LRFN5: variants seen among roughly 807,000 people sequenced by gnomAD.
LRFN5 encodes the protein leucine-rich repeat and fibronectin type-III domain-containing protein 5.
LRFN5 carries 24 observed loss-of-function variants against 45.6 expected under a neutral mutation model. The ratio of observed to expected loss-of-function variants is 0.53; its 90% CI spans 0.38 to 0.74. The LOEUF is 0.74. LRFN5 is among the 30% of genes least tolerant of loss of function. The pLI is 0.00. For missense variants in LRFN5, 776 were observed against 861.5 expected, an observed-to-expected ratio of 0.90 and a Z score of 1.24; for synonymous variants, 340 against 313.8, an observed-to-expected ratio of 1.08 and a Z score of -0.88.
chr14:41,620,437 G>T (rs892660232), intron 1 of LRFN5, among the ~76,000 whole-genome samples: 1 of 152,086 alleles, frequency 6.6e-6, no homozygotes. Flanking sequence ...GAAGGGGCTT[G>T]TGTATACCAT....
chr14:41,735,926 G>A (rs547053092), intron 1 of LRFN5, among the ~76,000 whole-genome samples: 1 of 152,176 alleles, frequency 6.6e-6, no homozygotes, highest in South Asian at 2.1e-4. Context: ...CTCTGAAAAG[G>A]ACATGAATTC....
intron 2 of LRFN5, among the ~76,000 whole-genome samples, chr14:41,852,297 G>T (rs184041875): frequency 8.6e-5 from 13 of 151,836 alleles, no homozygotes; most frequent in Non-Finnish European, 1.6e-4. Context: ...TTGAATCAAA[G>T]ATACATATGT....
chr14:41,637,487 G>A (rs1879360172), intron 1 of LRFN5, among the ~76,000 whole-genome samples: 1 of 151,972 alleles, frequency 6.6e-6, no homozygotes, highest in Non-Finnish European at 1.5e-5. Context: ...CTATACTAGT[G>A]TTGAATTCTT....
intron 1 of LRFN5, among the ~76,000 whole-genome samples, chr14:41,757,245 C>T (rs1885439264): frequency 6.6e-6 from 1 of 152,182 alleles, no homozygotes. Flanking sequence ...TCTCAGATCT[C>T]CAGCTGCGTG....
chr14:41,880,903 T>C (rs183130104), intron 2 of LRFN5, among the ~76,000 whole-genome samples: 11 of 152,346 alleles, frequency 7.2e-5, no homozygotes, highest in Non-Finnish European at 1.3e-4. Flanking sequence ...CATATACTGT[T>C]TGCCTTTTTC....
chr14:41,739,186 G>A (rs1007324445), intron 1 of LRFN5, among the ~76,000 whole-genome samples: 8 of 152,202 alleles, frequency 5.3e-5, no homozygotes, highest in African/African-American at 1.4e-4. Flanking sequence ...AGGAGTCTGA[G>A]GCAAGCCTGG....
intron 1 of LRFN5, among the ~76,000 whole-genome samples, chr14:41,625,256 G>A (rs1316500135): frequency 8.4e-6 from 1 of 118,834 alleles, no homozygotes. Flanking sequence ...TATATCAAGG[G>A]TGGGTTCATC....
At chr14:41,627,030 G>C in intron 1 of LRFN5, among the ~76,000 whole-genome samples, 1 of 152,054 alleles carries the variant, frequency 6.6e-6, no homozygotes, top group East Asian at 1.9e-4. Context: ...TCTTTGCTCT[G>C]TACATTTTCA....
In LRFN5 at chr14:41,704,448, C is replaced by CTGTGTGTGTGTGTGTGTGTGTGTGTG. The variant is rs59129586; in HGVS notation, c.-196-62393_-196-62392insGTGTGTGTGTGTGTGTGTGTGTGTGT. 4.7e-3 allele frequency among the ~76,000 whole-genome samples: 589 copies of CTGTGTGTGTGTGTGTGTGTGTGTGTG among 124,250 alleles called. 23 individuals carry two copies. Among genetic ancestry groups the CTGTGTGTGTGTGTGTGTGTGTGTGTG allele is most frequent in the African/African-American group, 0.021 (554 of 25,922 alleles). 81.5% of individuals were successfully genotyped at this position (124,250 alleles called of 152,430 possible). ...TCTCTCTCTCTCTCTCTCTCTCTCT[C>CTGTGTGTGTGTGTGTGTGTGTGTGTG]TGTGTGTGTGTGTCTGTGAGATTTG... On this transcript the variant is annotated intron_variant, in intron 1 of 5. Transcript: ENST00000298119.
intron 2 of LRFN5, among the ~76,000 whole-genome samples, chr14:41,787,783 T>G (rs1886780077): frequency 1.3e-5 from 2 of 152,096 alleles, no homozygotes; most frequent in Non-Finnish European, 2.9e-5. Flanking sequence ...TTTTTTATTT[T>G]TATGATGCCG....
chr14:41,684,968 C>T (rs185672751), intron 1 of LRFN5, among the ~76,000 whole-genome samples: 1 of 152,160 alleles, frequency 6.6e-6, no homozygotes, highest in Non-Finnish European at 1.5e-5. Context: ...ATATCTAAAA[C>T]CTGATTTAAA....
intron 2 of LRFN5, among the ~76,000 whole-genome samples, chr14:41,843,466 C>CT (rs1566478227): frequency 6.6e-6 from 1 of 152,082 alleles, no homozygotes; most frequent in Non-Finnish European, 1.5e-5. Flanking sequence ...TGGTTACTGA[C>CT]TTTTTGTGTC....
chr14:41,771,338 C>T (rs1166394088), intron 2 of LRFN5, among the ~76,000 whole-genome samples: 1 of 151,956 alleles, frequency 6.6e-6, no homozygotes, highest in African/African-American at 2.4e-5. Flanking sequence ...TCTGGTCACG[C>T]ATGCCTCTCT....
intron 1 of LRFN5, among the ~76,000 whole-genome samples, chr14:41,761,372 G>A (rs1026289327): frequency 6.6e-6 from 1 of 151,648 alleles, no homozygotes. Flanking sequence ...AAGAAAATAC[G>A]GTATGTAGAT....
At chr14:41,705,212 A>G (rs1883013765) in intron 1 of LRFN5, among the ~76,000 whole-genome samples, 1 of 152,114 alleles carries the variant, frequency 6.6e-6, no homozygotes, top group Non-Finnish European at 1.5e-5. Context: ...AAACTAAACA[A>G]TGTAACACAC....
chr14:41,643,163 C>G (rs1201562496), intron 1 of LRFN5, among the ~76,000 whole-genome samples: 1 of 151,916 alleles, frequency 6.6e-6, no homozygotes. Flanking sequence ...TAATGATTAC[C>G]TAGGTAGATA....
chr14:41,854,152 G>A (rs1889370891), intron 2 of LRFN5, among the ~76,000 whole-genome samples: 1 of 152,098 alleles, frequency 6.6e-6, no homozygotes, highest in Non-Finnish European at 1.5e-5. Flanking sequence ...GGTATGTGAT[G>A]TTCCCCACCC....
intron 1 of LRFN5, among the ~76,000 whole-genome samples, chr14:41,674,645 T>TG (rs1207624294): frequency 3.0e-5 from 4 of 133,164 alleles, no homozygotes; most frequent in South Asian, 2.7e-4. Flanking sequence ...GTTGGCCAGG[T>TG]GGGGGGCTGA....
In LRFN5 at chr14:41,732,718, G is replaced by A. The variant is rs151243791; in HGVS notation, c.-196-34136G>A. On this transcript the variant is annotated intron_variant, in intron 1 of 5. Coordinates refer to ENST00000298119, the MANE Select transcript of LRFN5 (RefSeq NM_152447.5). ...AATGTATAAACATACAAGGAAACAA[G>A]AAAAGATGAGATAGTTCAAGAAAAA... is the stretch of plus-strand genomic sequence containing the variant. Among the ~76,000 whole-genome samples, 107 of 150,730 alleles carry A rather than the reference G, an allele frequency of 7.1e-4. 1 individual carries two copies. Among genetic ancestry groups the A allele is most frequent in the African/African-American group, 1.9e-3 (78 of 41,084 alleles).
Sources: gnomAD v4.1 joint callset for allele counts (sites outside exome capture counted in the v4.1 genomes callset) on GRCh38, gnomAD v4.1.1 for gene constraint, MANE v1.5 for transcripts, NCBI Gene and HGNC (gene_info 2026-07-23, HGNC 2026-07-21) for gene names.